Variants in CPED1 observed in about 807,000 individuals in gnomAD.
CPED1 encodes cadherin-like and PC-esterase domain-containing protein 1.
A neutral mutation model predicts 128.2 loss-of-function variants in CPED1; 114 were observed. The observed-to-expected ratio is 0.89, with a 90% CI of 0.76 to 1.04. CPED1 has a LOEUF of 1.04. Among genes scored for constraint, CPED1 ranks in the 50% least tolerant of loss-of-function variants. The pLI is 0.00. For missense variants in CPED1, 1,211 were observed against 1,207.1 expected (o/e 1.00, Z -0.05); for synonymous variants, 462 against 426.7 (o/e 1.08, Z -1.02).
intron 22 of CPED1, among the ~76,000 whole-genome samples, chr7:121,289,833 T>C (rs192220351): frequency 6.6e-6 from 1 of 152,312 alleles, no homozygotes; most frequent in East Asian, 1.9e-4. Flanking sequence ...ATACTTTAAG[T>C]TCTGGGATAC....
At chr7:121,020,397 G>A (rs1792409253) in intron 3 of CPED1, among the ~76,000 whole-genome samples, 1 of 151,944 alleles carries the variant, frequency 6.6e-6, no homozygotes, top group Non-Finnish European at 1.5e-5. Context: ...GCCTTTGGCA[G>A]CATTTGTTTT....
intron 17 of CPED1, among the ~76,000 whole-genome samples, chr7:121,243,819 G>A (rs572392412): frequency 6.6e-6 from 1 of 152,216 alleles, no homozygotes; most frequent in Non-Finnish European, 1.5e-5. Flanking sequence ...CTATGCATGT[G>A]TTAGGCTAAT....
At chr7:121,231,455 G>T (rs776996593) in intron 16 of CPED1, among the ~76,000 whole-genome samples, 3 of 152,102 alleles carry the variant, frequency 2.0e-5, no homozygotes, top group Non-Finnish European at 2.9e-5. Context: ...AATGATGAAG[G>T]TTTGAAGTAG....
intron 4 of CPED1, among the ~76,000 whole-genome samples, chr7:121,048,301 C>T (rs1490704121): frequency 6.6e-6 from 1 of 152,172 alleles, no homozygotes; most frequent in Non-Finnish European, 1.5e-5. Context: ...CATTCTTTTC[C>T]TCAGTAAATT....
At chr7:121,073,271 A>T (rs1384184972) in intron 5 of CPED1, among the ~76,000 whole-genome samples, 2 of 152,166 alleles carry the variant, frequency 1.3e-5, no homozygotes, top group Non-Finnish European at 1.5e-5. Context: ...TATTAAGTGG[A>T]AGTGGATCAT....
At position 121,040,056 on chromosome 7, in the gene CPED1, A is replaced by G. The variant is rs1793010123; in HGVS notation, c.434-6831A>G. On this transcript the variant is annotated intron_variant, in intron 3 of 22. Transcript: ENST00000310396. Reference sequence around the variant, plus strand: ...CTGATCCCTAGTATGGGTTTAGGCCATTCATGGAGAGAATGGTTTAGAATT... The same window carrying G: ...CTGATCCCTAGTATGGGTTTAGGCCGTTCATGGAGAGAATGGTTTAGAATT... 2.0e-5 allele frequency among the ~76,000 whole-genome samples: 3 copies of G among 152,192 alleles called. No homozygotes were observed. The South Asian group carries it at 6.2e-4, about 32-fold the overall frequency.
chr7:121,285,827 GTCT>G (rs1042585951), intron 22 of CPED1, among the ~76,000 whole-genome samples: 4 of 152,096 alleles, frequency 2.6e-5, no homozygotes, highest in African/African-American at 7.2e-5. Flanking sequence ...ACATTTTCCT[GTCT>G]TCTTCTGAGC....
chr7:121,082,013 G>A (rs2116142041), intron 5 of CPED1, among the ~76,000 whole-genome samples: 1 of 152,186 alleles, frequency 6.6e-6, no homozygotes, highest in South Asian at 2.1e-4. Context: ...TGTATGTTTT[G>A]ATATGAATTT....
chr7:121,157,121 C>T (rs994439673), intron 16 of CPED1, among the ~76,000 whole-genome samples: 1 of 152,194 alleles, frequency 6.6e-6, no homozygotes, highest in African/African-American at 2.4e-5. Flanking sequence ...ATTGGCATTA[C>T]TAACCACCAC....
At chr7:121,084,585 C>G (rs1794375691) in intron 5 of CPED1, among the ~76,000 whole-genome samples, 1 of 152,134 alleles carries the variant, frequency 6.6e-6, no homozygotes, top group South Asian at 2.1e-4. Context: ...GAGAAAGTCA[C>G]AAATAAAGCA....
rs188708709 is a variant in CPED1 at position 121,160,258 on chromosome 7, T to C, written c.2055+18117T>C. Among the ~76,000 whole-genome samples the C allele has an allele frequency of 3.3e-5, 5 of 152,300 alleles. No homozygotes were observed. In the East Asian group the frequency reaches 7.7e-4, roughly 24 times the overall value. On this transcript the variant is annotated intron_variant, in intron 16 of 22. Coordinates refer to ENST00000310396, the MANE Select transcript of CPED1 (RefSeq NM_024913.5). ...ACTATGACATTACATCACTATTGCATCAGAATAGTGTTGATATCCCTGTGC... is the reference window on the plus strand; with the variant it reads ...ACTATGACATTACATCACTATTGCACCAGAATAGTGTTGATATCCCTGTGC...
intron 16 of CPED1, among the ~76,000 whole-genome samples, chr7:121,150,772 T>C (rs1025787143): frequency 6.6e-6 from 1 of 151,456 alleles, no homozygotes; most frequent in Non-Finnish European, 1.5e-5. Context: ...ATTATTATTA[T>C]TATTATTATT....
intron 22 of CPED1, among the ~76,000 whole-genome samples, chr7:121,277,768 G>A (rs138023191): frequency 1.8e-4 from 28 of 152,070 alleles, no homozygotes; most frequent in African/African-American, 3.9e-4. Context: ...AAGAAAATAC[G>A]TCATCCAGAG....
chr7:121,226,709 C>T (rs1191718818), intron 16 of CPED1, among the ~76,000 whole-genome samples: 1 of 152,064 alleles, frequency 6.6e-6, no homozygotes, highest in African/African-American at 2.4e-5. Context: ...TATTAATTTA[C>T]ATAAATTGCT....
chr7:121,159,711 T>A (rs1796370897), intron 16 of CPED1, among the ~76,000 whole-genome samples: 1 of 152,176 alleles, frequency 6.6e-6, no homozygotes, highest in African/African-American at 2.4e-5. Context: ...TACAATTAGC[T>A]AACACTCTGT....
At chr7:121,028,040 CAT>C (rs1792639881) in intron 3 of CPED1, among the ~76,000 whole-genome samples, 1 of 152,078 alleles carries the variant, frequency 6.6e-6, no homozygotes, top group African/African-American at 2.4e-5. Flanking sequence ...TGCCTGAAAA[CAT>C]AGTTTTGGCA....
At chr7:121,292,448 A>G (rs1792727188) in intron 22 of CPED1, among the ~76,000 whole-genome samples, 1 of 151,868 alleles carries the variant, frequency 6.6e-6, no homozygotes, top group African/African-American at 2.4e-5. Flanking sequence ...ACTTCTTTGC[A>G]TTCGGTTAGA....
intron 16 of CPED1, among the ~76,000 whole-genome samples, chr7:121,231,764 T>C (rs1156864463): frequency 6.6e-6 from 1 of 152,080 alleles, no homozygotes; most frequent in East Asian, 1.9e-4. Context: ...ATGGAAGTTC[T>C]GCATGACTGC....
chr7:121,243,043 T>C (rs1798439309), intron 17 of CPED1, among the ~76,000 whole-genome samples: 1 of 152,132 alleles, frequency 6.6e-6, no homozygotes, highest in Non-Finnish European at 1.5e-5. Flanking sequence ...CTAAAATTAA[T>C]ATAACACCAG....
Sources: allele counts gnomAD v4.1 joint callset (sites outside exome capture counted in the v4.1 genomes callset), GRCh38; gene constraint gnomAD v4.1.1; transcripts MANE v1.5; gene names NCBI Gene and HGNC (gene_info 2026-07-23, HGNC 2026-07-21).